Variants in NAALAD2 observed in about 807,000 individuals in gnomAD.
NAALAD2 encodes N-acetylated alpha-linked acidic dipeptidase 2.
In NAALAD2, 89 loss-of-function variants were observed where a neutral mutation model predicts 95.6. The ratio of observed to expected loss-of-function variants is 0.93; its 90% CI spans 0.78 to 1.11. The LOEUF is 1.11. Ranked by LOEUF, NAALAD2 falls within the 50% of genes least tolerant of loss-of-function variation. The probability of loss-of-function intolerance (pLI) is 0.00; values close to 1 mark genes in which losing one functional copy is unlikely to be tolerated. For synonymous variants in NAALAD2, 264 were observed against 294.4 expected, an observed-to-expected ratio of 0.90 and a Z score of 1.06; for missense variants, 894 against 872.4, an observed-to-expected ratio of 1.02 and a Z score of -0.31.
At chr11:90,176,638 A>G (rs1952800771) in intron 15 of NAALAD2, among the ~76,000 whole-genome samples, 1 of 152,326 alleles carries the variant, frequency 6.6e-6, no homozygotes, top group African/African-American at 2.4e-5. Flanking sequence ...GTACTTGGAT[A>G]TAACCAATAT....
rs542932230 is a variant in NAALAD2 at position 90,175,929 on chromosome 11, T to TGTGC, written c.1503-40_1503-39insCGTG. 7.0e-4 allele frequency: 448 copies of TGTGC among 641,234 alleles called. No individual in the cohort carries two copies. In the African/African-American group the frequency reaches 0.017, roughly 24 times the overall value. 39.7% of individuals were successfully genotyped at this position (641,234 alleles called of 1,614,324 possible). A position where few individuals can be genotyped will look rare whatever the true frequency, so the allele number is the denominator to read the frequency against. ...TAACTTTGTATCATTTACTTGTTTA[T>TGTGC]GTGTGTGTGTGTGTGTGTGTGTGGA... On this transcript the variant is annotated intron_variant, in intron 14 of 18. Transcript: ENST00000534061.
chr11:90,191,152 G>A (rs1460429881), intron 18 of NAALAD2, among the ~76,000 whole-genome samples: 1 of 151,986 alleles, frequency 6.6e-6, no homozygotes, highest in African/African-American at 2.4e-5. Context: ...GGGAACAACT[G>A]TCATTCTTGT....
intron 16 of NAALAD2, among the ~76,000 whole-genome samples, chr11:90,179,736 T>C (rs895615154): frequency 6.6e-6 from 1 of 151,904 alleles, no homozygotes; most frequent in African/African-American, 2.4e-5. Flanking sequence ...TGATCTTTTA[T>C]CAGTTTTTAT....
chr11:90,182,773 A>G, intron 17 of NAALAD2, 143 bp from the exon 18 acceptor site: 1 of 553,584 alleles, frequency 1.8e-6, no homozygotes, highest in Non-Finnish European at 3.2e-6. Flanking sequence ...CACCATGTAA[A>G]GCATTACTGT....
chr11:90,154,300 T>C (rs1216833534), intron 6 of NAALAD2, among the ~76,000 whole-genome samples: 3 of 151,974 alleles, frequency 2.0e-5, no homozygotes, highest in African/African-American at 7.2e-5. Flanking sequence ...ACATTCCCTT[T>C]GTCACAATGA....
intron 2 of NAALAD2, among the ~76,000 whole-genome samples, chr11:90,141,160 A>G (rs1213038653): frequency 6.6e-6 from 1 of 152,190 alleles, no homozygotes; most frequent in Non-Finnish European, 1.5e-5. Context: ...AACAAAACAT[A>G]GAATGATTTC....
intron 6 of NAALAD2, among the ~76,000 whole-genome samples, chr11:90,155,247 A>T (rs1417741524): frequency 1.6e-5 from 2 of 123,986 alleles, no homozygotes; most frequent in African/African-American, 5.9e-5. Context: ...TATTATATAC[A>T]TGTATAATAT....
intron 6 of NAALAD2, among the ~76,000 whole-genome samples, chr11:90,152,808 G>T (rs2134873824): frequency 6.6e-6 from 1 of 152,038 alleles, no homozygotes; most frequent in South Asian, 2.1e-4. Flanking sequence ...ATTACCGATA[G>T]ATTGTATTTT....
chr11:90,191,524 T>C (rs2135007264), intron 18 of NAALAD2, 34 bp from the exon 19 acceptor site: 1 of 1,486,312 alleles, frequency 6.7e-7, no homozygotes, highest in East Asian at 2.4e-5. Flanking sequence ...ATGTATACAC[T>C]TTAGTTCAAT....
chr11:90,157,909 C>A (rs531394278), intron 6 of NAALAD2, among the ~76,000 whole-genome samples: 1 of 152,004 alleles, frequency 6.6e-6, no homozygotes, highest in Non-Finnish European at 1.5e-5. Context: ...TCAGTAGAGA[C>A]GGGGTTTCAC....
chr11:90,134,591 GCCCCTGGGGACCACAGGT>G (rs1367264150), upstream of NAALAD2: 1 of 601,800 alleles, frequency 1.7e-6, no homozygotes, highest in African/African-American at 1.9e-5. Flanking sequence ...CCCATCGAGG[GCCCCTGGGGACCACAGGT>G]CCCCAGCGGG....
At chr11:90,177,760 A>G in intron 15 of NAALAD2, 93 bp from the exon 16 acceptor site, 1 of 1,302,450 alleles carries the variant, frequency 7.7e-7, no homozygotes, top group African/African-American at 1.5e-5. Context: ...GCTGGTTGTT[A>G]TTTTTTCTAT....
chr11:90,147,471 G>T lies in NAALAD2; in HGVS notation c.336G>T (p.Glu112Asp). ...HYDVLLSYPNETNANYISIVD... is the reference protein window; with the variant it reads ...HYDVLLSYPNDTNANYISIVD... ...ATGTCCTCTTATCTTACCCCAATGA[G>T]ACAAATGCCAACTATATATCGATTG... Residue 112 changes from glutamate (E) to aspartate (D), a missense_variant, in exon 3 of 19, where the codon GAG (glutamate) becomes GAT (aspartate). By Grantham distance (45) the Glu-to-Asp change is conservative. Transcript: ENST00000534061. 6.2e-7 allele frequency: 1 copy of T among 1,613,122 alleles called. No homozygotes were observed. The highest frequency in any genetic ancestry group is 8.5e-7 in the Non-Finnish European group (1 of 1,179,498).
Position 90,169,035 on chromosome 11 carries a change from AT to A in NAALAD2, c.1342+47del. On this transcript the variant is annotated intron_variant, in intron 12 of 18. Coordinates refer to ENST00000534061, the MANE Select transcript of NAALAD2 (RefSeq NM_005467.4). ...TTGAAGTGAAATTTTCAGAAAGGAA[AT>A]TTTACTTCAAGTAACTTTTATTATT... is the stretch of plus-strand genomic sequence containing the variant. The A allele has an allele frequency of 2.1e-6, 3 of 1,429,690 alleles. No individual in the cohort carries two copies. The South Asian group carries it at 3.7e-5, about 18-fold the overall frequency. The allele number at this position is 1,429,690 out of a possible 1,614,324, so 88.6% of individuals were successfully genotyped here. A position where few individuals can be genotyped will look rare whatever the true frequency, so the allele number is the denominator to read the frequency against.
intron 4 of NAALAD2, 31 bp from the exon 5 acceptor site, chr11:90,150,451 C>T (rs1951859333): frequency 1.5e-6 from 2 of 1,338,398 alleles, no homozygotes; most frequent in African/African-American, 1.5e-5. Flanking sequence ...TTAATTTTAG[C>T]AGTATTATAT....
chr11:90,186,359 C>A (rs1857142080), intron 18 of NAALAD2, among the ~76,000 whole-genome samples: 1 of 152,120 alleles, frequency 6.6e-6, no homozygotes, highest in Admixed American at 6.6e-5. Flanking sequence ...GACATGAACT[C>A]ATCATTTTTT....
chr11:90,192,371 T>C lies in NAALAD2; in HGVS notation c.*624T>C, dbSNP rs1022460905. ...GAAAAAAGCCAGACAAACAACTACA[T>C]AAAATATGTTTCTATTTAGATGAAG... On this transcript the variant is annotated 3_prime_UTR_variant, in exon 19 of 19. Transcript: ENST00000534061. 15 of 151,986 alleles carry C rather than the reference T, an allele frequency of 9.9e-5. No homozygotes were observed. Among genetic ancestry groups the C allele is most frequent in the African/African-American group, 3.6e-4 (15 of 41,424 alleles). 9.4% of individuals were successfully genotyped at this position (151,986 alleles called of 1,614,324 possible). A position where few individuals can be genotyped will look rare whatever the true frequency, so the allele number is the denominator to read the frequency against.
intron 11 of NAALAD2, among the ~76,000 whole-genome samples, chr11:90,168,411 T>G (rs112373749): frequency 6.6e-4 from 100 of 152,188 alleles, no homozygotes; most frequent in African/African-American, 2.2e-3. Flanking sequence ...GGAGGCTGAG[T>G]CAAGAGAATT....
rs527254431 is a variant in NAALAD2 at position 90,146,294 on chromosome 11, A to G, written c.195-1036A>G. On this transcript the variant is annotated intron_variant, in intron 2 of 18. Coordinates refer to ENST00000534061, the MANE Select transcript of NAALAD2 (RefSeq NM_005467.4). ...TCATCCGGTTAACTAAAAAAAAAAAAAAATTAAAAAAGGGTTTATTTTTGT... is the reference window on the plus strand; with the variant it reads ...TCATCCGGTTAACTAAAAAAAAAAAGAAATTAAAAAAGGGTTTATTTTTGT... Among the ~76,000 whole-genome samples, 19 of 150,936 alleles carry G rather than the reference A, an allele frequency of 1.3e-4. No homozygotes were observed. In the East Asian group the frequency reaches 3.1e-3, roughly 25 times the overall value.
Sources: gnomAD v4.1 joint callset for allele counts (sites outside exome capture counted in the v4.1 genomes callset) on GRCh38, gnomAD v4.1.1 for gene constraint, MANE v1.5 for transcripts, NCBI Gene and HGNC (gene_info 2026-07-23, HGNC 2026-07-21) for gene names.